Variants in EPN2 observed in about 807,000 individuals in gnomAD.
EPN2 encodes epsin-2.
In EPN2, 34 loss-of-function variants were observed where a neutral mutation model predicts 61.7. The observed-to-expected ratio is 0.55, with a 90% confidence interval of 0.42 to 0.73. The LOEUF (loss-of-function observed/expected upper bound fraction) is 0.73. Among genes scored for constraint, EPN2 ranks in the 30% least tolerant of loss-of-function variants. The pLI, the probability that EPN2 is intolerant of heterozygous loss-of-function variation, is 0.00. For missense variants in EPN2, 714 were observed against 839.2 expected (o/e 0.85, Z 1.84); for synonymous variants, 349 against 353.6 (o/e 0.99, Z 0.15).
At chr17:19,241,787 C>T (rs1409913895) in intron 1 of EPN2, among the ~76,000 whole-genome samples, 4 of 151,984 alleles carry the variant, frequency 2.6e-5, no homozygotes, top group Non-Finnish European at 5.9e-5. Context: ...TAGGGATTAT[C>T]ACCCATTTGT....
chr17:19,312,984 C>T, intron 6 of EPN2, 121 bp from the exon 7 acceptor site: 1 of 1,002,962 alleles, frequency 1.0e-6, no homozygotes, highest in Admixed American at 2.4e-5. Flanking sequence ...TTCTTCTCAG[C>T]CCCTCCTAGA....
At chr17:19,242,347 A>G (rs1032859190) in intron 1 of EPN2, among the ~76,000 whole-genome samples, 1 of 152,228 alleles carries the variant, frequency 6.6e-6, no homozygotes, top group Non-Finnish European at 1.5e-5. Context: ...AGGCTGAGGC[A>G]GGAAAATCAC....
chr17:19,252,223 T>G (rs781503729), intron 1 of EPN2, among the ~76,000 whole-genome samples: 34 of 152,150 alleles, frequency 2.2e-4, no homozygotes, highest in Non-Finnish European at 4.3e-4. Flanking sequence ...CTGAGGGGCC[T>G]TTTGTGTGCC....
chr17:19,310,078 G>A, intron 5 of EPN2, 81 bp downstream of exon 5: 1 of 951,846 alleles, frequency 1.1e-6, no homozygotes, highest in East Asian at 2.5e-5. Context: ...GAAGATGGCA[G>A]ACACAGCCCT....
At chr17:19,261,098 T>C (rs1166073013) in intron 1 of EPN2, among the ~76,000 whole-genome samples, 3 of 152,192 alleles carry the variant, frequency 2.0e-5, no homozygotes, top group South Asian at 2.1e-4. Flanking sequence ...ATTGCAGTGG[T>C]CCTGCAGGGT....
chr17:19,257,677 C>T (rs1166937871), intron 1 of EPN2, among the ~76,000 whole-genome samples: 1 of 152,070 alleles, frequency 6.6e-6, no homozygotes, highest in Non-Finnish European at 1.5e-5. Context: ...GCCACCATGC[C>T]TGGCTAATGT....
intron 4 of EPN2, among the ~76,000 whole-genome samples, chr17:19,306,442 A>C (rs774432667): frequency 1.5e-4 from 23 of 152,252 alleles, no homozygotes; most frequent in Non-Finnish European, 2.9e-4. Flanking sequence ...AAAGCTGTAC[A>C]TCCGTTTATG....
Position 19,309,964 on chromosome 17 carries a change from G to A in EPN2, c.846G>A (p.Leu282=). 7.5e-6 allele frequency: 12 copies of A among 1,608,626 alleles called. No homozygotes were observed. Among genetic ancestry groups the A allele is most frequent in the Non-Finnish European group, 9.3e-6 (11 of 1,179,988 alleles). Residue 282 remains leucine, a synonymous_variant, in exon 5 of 11, where the codon CTG becomes CTA. Coordinates refer to ENST00000314728, the MANE Select transcript of EPN2 (RefSeq NM_014964.5). The part of the protein sequence containing the change: ...TSGEEELQLQ[L]ALAMSREVAE... Reference sequence around the variant, plus strand: ...GAGAAGAGGAGCTTCAGCTGCAGCTGGCACTTGCCATGAGCAGAGAAGTGG... The same window carrying A: ...GAGAAGAGGAGCTTCAGCTGCAGCTAGCACTTGCCATGAGCAGAGAAGTGG...
intron 10 of EPN2, 37 bp from the exon 11 acceptor site, chr17:19,333,919 G>C (rs1399520362): frequency 1.3e-6 from 2 of 1,499,862 alleles, no homozygotes; most frequent in Non-Finnish European, 1.8e-6. Context: ...GCCACACCCT[G>C]ACGGCTCAGC....
At chr17:19,318,335 G>C (rs1488347420) in intron 7 of EPN2, among the ~76,000 whole-genome samples, 1 of 151,890 alleles carries the variant, frequency 6.6e-6, no homozygotes, top group Non-Finnish European at 1.5e-5. Context: ...GGATCACGAG[G>C]TCAAGAGATC....
At chr17:19,284,256 G>T (rs1176050059) in intron 3 of EPN2, among the ~76,000 whole-genome samples, 1 of 152,212 alleles carries the variant, frequency 6.6e-6, no homozygotes, top group Non-Finnish European at 1.5e-5. Context: ...ATGCAAATGA[G>T]AGTTGCTAGT....
At position 19,285,445 on chromosome 17, in the gene EPN2, C is replaced by T. The variant is rs185191262; in HGVS notation, c.596-175C>T. 5.0e-4 allele frequency among the ~76,000 whole-genome samples: 76 copies of T among 152,384 alleles called. 1 individual carries two copies. The highest frequency in any genetic ancestry group is 1.7e-3 in the African/African-American group (71 of 41,590). On this transcript the variant is annotated intron_variant, in intron 3 of 10. Coordinates refer to ENST00000314728, the MANE Select transcript of EPN2 (RefSeq NM_014964.5). This position sits in a 1 kb window ranked among gnomAD's most constrained non-coding sequence, Gnocchi z 4.5. The stretch of plus-strand genomic sequence containing the variant: ...ATGTTTTTGGTTCCCTCAGACCTTA[C>T]GCTTGAGCTGCATGTTCAGGGTCAG...
chr17:19,299,543 G>A (rs188547436), intron 4 of EPN2, among the ~76,000 whole-genome samples: 6 of 152,386 alleles, frequency 3.9e-5, no homozygotes, highest in Non-Finnish European at 8.8e-5. Context: ...AGGAAGCTCA[G>A]GGACTCCTGA....
At chr17:19,278,006 G>A (rs1012920670) in intron 1 of EPN2, among the ~76,000 whole-genome samples, 3 of 149,902 alleles carry the variant, frequency 2.0e-5, no homozygotes, top group East Asian at 3.9e-4. Flanking sequence ...CCTGGGAGGC[G>A]GAGCTTGCAG....
At chr17:19,303,099 G>A (rs933750429) in intron 4 of EPN2, among the ~76,000 whole-genome samples, 1 of 152,248 alleles carries the variant, frequency 6.6e-6, no homozygotes, top group Non-Finnish European at 1.5e-5. Flanking sequence ...TCTGGGGAGA[G>A]CAGTGGGGCA....
At chr17:19,253,639 TC>T (rs1288192154) in intron 1 of EPN2, among the ~76,000 whole-genome samples, 3 of 152,102 alleles carry the variant, frequency 2.0e-5, no homozygotes, top group East Asian at 1.9e-4. Flanking sequence ...GTTCAGGTGA[TC>T]CGCCTGCCTC....
chr17:19,278,422 G>T (rs2045329639), intron 1 of EPN2, among the ~76,000 whole-genome samples: 2 of 152,078 alleles, frequency 1.3e-5, no homozygotes, highest in South Asian at 4.1e-4. Context: ...CTTCTTACAT[G>T]GCAGCAACAA....
intron 1 of EPN2, among the ~76,000 whole-genome samples, chr17:19,250,932 G>A (rs1160160501): frequency 6.7e-6 from 1 of 149,720 alleles, no homozygotes. Context: ...CCTCCTCTCT[G>A]TGCCCTTCTC....
At chr17:19,241,584 C>CAA (rs767439856) in intron 1 of EPN2, among the ~76,000 whole-genome samples, 29 of 59,766 alleles carry the variant, frequency 4.9e-4, no homozygotes, top group Non-Finnish European at 5.3e-4. Flanking sequence ...GACTCTGTCT[C>CAA]AAAAAAAAAA....
Sources: allele counts gnomAD v4.1 joint callset (sites outside exome capture counted in the v4.1 genomes callset), GRCh38; gene constraint gnomAD v4.1.1; non-coding constraint Gnocchi (gnomAD v3.1); transcripts MANE v1.5; gene names NCBI Gene and HGNC (gene_info 2026-07-23, HGNC 2026-07-21).